The following REELD1 variants were observed in gnomAD, a reference collection of about 807,000 sequenced individuals.
REELD1 encodes reelin domain-containing protein 1.
In REELD1, 12 loss-of-function variants were observed where a neutral mutation model predicts 6.3. The ratio of observed to expected loss-of-function variants is 1.89; its 90% CI spans 1.21 to 3.07. The LOEUF (loss-of-function observed/expected upper bound fraction) is 3.07. Ranked by LOEUF, REELD1 falls within the 30% of genes most tolerant of loss-of-function variation. The pLI is 0.00. For missense variants in REELD1, 163 were observed against 86.8 expected, an observed-to-expected ratio of 1.88 and a Z score of -3.49; for synonymous variants, 57 against 33.6, an observed-to-expected ratio of 1.70 and a Z score of -2.42.
intron 3 of REELD1, among the ~76,000 whole-genome samples, chr4:146,220,424 C>T (rs1217865203): frequency 6.6e-6 from 1 of 152,020 alleles, no homozygotes; most frequent in Non-Finnish European, 1.5e-5. Flanking sequence ...GTTTTAGTTC[C>T]AAGTATCAGA....
chr4:146,223,344 T>C (rs1304356826), intron 4 of REELD1, among the ~76,000 whole-genome samples: 2 of 152,068 alleles, frequency 1.3e-5, no homozygotes, highest in Non-Finnish European at 2.9e-5. Flanking sequence ...TGGCCCTAGC[T>C]TGTGGTGTCC....
chr4:146,230,791 A>G lies in REELD1; in HGVS notation c.*278A>G, dbSNP rs1731117653. 4.0e-6 allele frequency: 1 copy of G among 252,736 alleles called. No individual in the cohort carries two copies. The highest frequency in any genetic ancestry group is 7.5e-6 in the Non-Finnish European group (1 of 133,482). 15.7% of individuals were successfully genotyped at this position (252,736 alleles called of 1,614,324 possible). On this transcript the variant is annotated 3_prime_UTR_variant, in exon 8 of 8. Coordinates refer to ENST00000623665, the MANE Select transcript of REELD1 (RefSeq NM_001354631.1). The stretch of plus-strand genomic sequence containing the variant: ...AAACTCAACACAATGAATATTGTAT[A>G]ACCCGCTCATTAACTAGACCCCTGT...
At chr4:146,228,875 C>T in intron 6 of REELD1, 150 bp from the exon 7 acceptor site, 1 of 585,482 alleles carries the variant, frequency 1.7e-6, no homozygotes, top group East Asian at 2.8e-5. Context: ...CTCATCTCTC[C>T]CCTTCCTCTT....
chr4:146,228,355 C>T lies in REELD1; in HGVS notation c.741C>T (p.Ser247=), dbSNP rs1339850782. 4.3e-6 allele frequency: 3 copies of T among 702,534 alleles called. No homozygotes were observed. In the Admixed American group the frequency reaches 6.0e-5, roughly 14 times the overall value. The allele number at this position is 702,534 out of a possible 1,614,324, so 43.5% of individuals were successfully genotyped here. ...TKFPGDAETL[S]QPSSHTATEG... ...TTCCTGGGGATGCAGAGACTCTGTC[C>T]CAACCATCTTCACACACAGCCACTG... Residue 247 remains serine (S), a synonymous_variant, in exon 6 of 8, where the codon TCC becomes TCT. Transcript: ENST00000623665.
intron 5 of REELD1, among the ~76,000 whole-genome samples, chr4:146,225,799 A>G (rs192974351): frequency 2.3e-4 from 35 of 152,106 alleles, no homozygotes; most frequent in African/African-American, 8.4e-4. Context: ...TCCGCTGGAA[A>G]CCTTGTCCGC....
At position 146,222,136 on chromosome 4, in the gene REELD1, GA is replaced by G. The variant is rs368047447; in HGVS notation, c.209-214del. 3.5e-3 allele frequency among the ~76,000 whole-genome samples: 525 copies of G among 151,980 alleles called. 5 individuals carry two copies. Among genetic ancestry groups the G allele is most frequent in the African/African-American group, 0.011 (456 of 41,498 alleles). ...TTTCTAAATCCAATATTTATAAAAAGAAAAAAAGTTTCTAGTTATTTTTTAT... is the reference window on the plus strand; with the variant it reads ...TTTCTAAATCCAATATTTATAAAAAGAAAAAAGTTTCTAGTTATTTTTTAT... On this transcript the variant is annotated intron_variant, in intron 3 of 7. Transcript: ENST00000623665.
In REELD1 at chr4:146,230,310, G is replaced by T; in HGVS notation, c.1378G>T (p.Ala460Ser). 1 of 398,926 alleles carries T rather than the reference G, an allele frequency of 2.5e-6. No individual in the cohort carries two copies. Among genetic ancestry groups the T allele is most frequent in the Non-Finnish European group, 4.4e-6 (1 of 226,288 alleles). 24.7% of individuals were successfully genotyped at this position (398,926 alleles called of 1,614,324 possible). A position where few individuals can be genotyped will look rare whatever the true frequency, so the allele number is the denominator to read the frequency against. The change falls in exon 8 of 8, where the codon GCT becomes TCT. Residue 460 changes from alanine (A) to serine (S), a missense_variant. Transcript: ENST00000623665. ...AGCCACCCTGGGCATGGCCCTGGCCGCTGGCCTTCGCTACCTGCACACCCA... is the reference window on the plus strand; with the variant it reads ...AGCCACCCTGGGCATGGCCCTGGCCTCTGGCCTTCGCTACCTGCACACCCA... ...LSATLGMALAAGLRYLHTQYC... is the reference protein window; with the variant it reads ...LSATLGMALASGLRYLHTQYC...
chr4:146,223,313 A>G (rs1393470114), intron 4 of REELD1, among the ~76,000 whole-genome samples: 1 of 152,072 alleles, frequency 6.6e-6, no homozygotes, highest in Non-Finnish European at 1.5e-5. Flanking sequence ...TGCTCTGGGG[A>G]GCAGTGGGAG....
intron 5 of REELD1, among the ~76,000 whole-genome samples, chr4:146,225,343 C>A (rs553094623): frequency 2.6e-5 from 4 of 152,176 alleles, no homozygotes; most frequent in Non-Finnish European, 4.4e-5. Context: ...CACATGCACA[C>A]AAGACCCTAC....
chr4:146,221,748 A>G (rs1161635149), intron 3 of REELD1, among the ~76,000 whole-genome samples: 1 of 151,996 alleles, frequency 6.6e-6, no homozygotes, highest in African/African-American at 2.4e-5. Context: ...ACTCCCAGCT[A>G]CTCGAGAGGC....
At chr4:146,218,424 G>T (rs1023297645) in intron 3 of REELD1, among the ~76,000 whole-genome samples, 3 of 152,196 alleles carry the variant, frequency 2.0e-5, no homozygotes, top group African/African-American at 7.2e-5. Context: ...CACCCAAGGT[G>T]AGCTCCAACA....
At chr4:146,223,052 G>C (rs906961422) in intron 4 of REELD1, among the ~76,000 whole-genome samples, 11 of 152,198 alleles carry the variant, frequency 7.2e-5, no homozygotes, top group Non-Finnish European at 1.5e-4. Context: ...ATATGGATGA[G>C]AGAGCCTACG....
In REELD1 at chr4:146,230,726, C is replaced by T. The variant is rs992561394; in HGVS notation, c.*213C>T. 1.1e-5 allele frequency: 4 copies of T among 372,020 alleles called. No homozygotes were observed. 23.0% of individuals were successfully genotyped at this position (372,020 alleles called of 1,614,324 possible). Reference sequence around the variant, plus strand: ...GTCTTAACATCTGTAATTGGGCTTCCTTCTTTCTTTTTGCAATTAGACGTT... The same window carrying T: ...GTCTTAACATCTGTAATTGGGCTTCTTTCTTTCTTTTTGCAATTAGACGTT... On this transcript the variant is annotated 3_prime_UTR_variant, in exon 8 of 8. Transcript: ENST00000623665.
intron 3 of REELD1, among the ~76,000 whole-genome samples, chr4:146,219,710 C>T (rs867744505): frequency 3.3e-5 from 5 of 152,188 alleles, no homozygotes; most frequent in Middle Eastern, 3.4e-3. Context: ...ATTAAAAGTA[C>T]TTTTCCTTCT....
chr4:146,225,760 G>A (rs1433668725), intron 5 of REELD1, among the ~76,000 whole-genome samples: 70 of 152,306 alleles, frequency 4.6e-4, no homozygotes, highest in Non-Finnish European at 1.5e-5. Flanking sequence ...GAAGTGTCAT[G>A]TGGAGCCTTG....
intron 7 of REELD1, among the ~76,000 whole-genome samples, chr4:146,229,690 G>C (rs1041112341): frequency 3.3e-5 from 5 of 152,138 alleles, no homozygotes; most frequent in Admixed American, 2.6e-4. Context: ...CTTGTTCTCT[G>C]TGGGGTTTCC....
At chr4:146,226,371 A>G (rs1188959945) in intron 5 of REELD1, among the ~76,000 whole-genome samples, 1 of 152,208 alleles carries the variant, frequency 6.6e-6, no homozygotes, top group South Asian at 2.1e-4. Context: ...TTGGTAGGCA[A>G]GTATCTTAGT....
At chr4:146,225,667 A>AATG (rs1168278415) in intron 5 of REELD1, among the ~76,000 whole-genome samples, 4 of 152,184 alleles carry the variant, frequency 2.6e-5, no homozygotes, top group African/African-American at 9.7e-5. Context: ...TTATTTTATG[A>AATG]ATGATGCAAG....
At chr4:146,229,361 A>G (rs1731085448) in intron 7 of REELD1, among the ~76,000 whole-genome samples, 1 of 152,158 alleles carries the variant, frequency 6.6e-6, no homozygotes, top group Non-Finnish European at 1.5e-5. Flanking sequence ...CTCCTCCTCT[A>G]TCCCTCCTTC....
Sources: gnomAD v4.1 joint callset for allele counts (sites outside exome capture counted in the v4.1 genomes callset) on GRCh38, gnomAD v4.1.1 for gene constraint, MANE v1.5 for transcripts, NCBI Gene and HGNC (gene_info 2026-07-23, HGNC 2026-07-21) for gene names.